CYP2C19: variants seen among roughly 807,000 people sequenced by gnomAD.
The protein encoded by CYP2C19 is cytochrome P450 family 2 subfamily C member 19, also known as cytochrome P450 2C19.
CYP2C19 carries 59 observed loss-of-function variants against 40.9 expected under a neutral mutation model. The observed-to-expected ratio is 1.44, with a 90% CI of 1.17 to 1.79. The LOEUF (loss-of-function observed/expected upper bound fraction) is 1.79, where lower values mean the gene tolerates loss of function less well. Among genes scored for constraint, CYP2C19 ranks in the 40% most tolerant of loss-of-function variants. CYP2C19 has a pLI of 0.00. For missense variants in CYP2C19, 754 were observed against 596.9 expected, an observed-to-expected ratio of 1.26 and a Z score of -2.74; for synonymous variants, 253 against 208.7, an observed-to-expected ratio of 1.21 and a Z score of -1.83.
intron 5 of CYP2C19, among the ~76,000 whole-genome samples, chr10:94,808,952 C>G (rs949601548): frequency 2.0e-5 from 3 of 152,082 alleles, no homozygotes; most frequent in Non-Finnish European, 4.4e-5. Context: ...ATATACCTAG[C>G]AGTGGGATTG....
intron 5 of CYP2C19, among the ~76,000 whole-genome samples, chr10:94,803,528 G>T (rs966513425): frequency 1.3e-5 from 2 of 152,150 alleles, no homozygotes; most frequent in Non-Finnish European, 2.9e-5. Context: ...TGGGCTCCCT[G>T]CTCAGCCCCA....
intron 3 of CYP2C19, among the ~76,000 whole-genome samples, chr10:94,777,775 T>A (rs906050119): frequency 6.6e-6 from 1 of 152,050 alleles, no homozygotes; most frequent in Admixed American, 6.5e-5. Flanking sequence ...CCAAAAGCAA[T>A]GGCAACAAAA....
At chr10:94,819,056 A>G (rs1849066402) in intron 5 of CYP2C19, among the ~76,000 whole-genome samples, 1 of 150,206 alleles carries the variant, frequency 6.7e-6, no homozygotes, top group African/African-American at 2.4e-5. Flanking sequence ...ACCACAGTGC[A>G]ATCAAACTAG....
At chr10:94,837,491 C>G (rs1372859858) in intron 6 of CYP2C19, among the ~76,000 whole-genome samples, 1 of 152,138 alleles carries the variant, frequency 6.6e-6, no homozygotes, top group Admixed American at 6.5e-5. Flanking sequence ...TGTATAATGG[C>G]CCCTGGTTTT....
chr10:94,772,938 C>T (rs966001910), intron 1 of CYP2C19, among the ~76,000 whole-genome samples: 4 of 152,156 alleles, frequency 2.6e-5, no homozygotes, highest in Non-Finnish European at 2.9e-5. Flanking sequence ...CCCGCCACCG[C>T]GCCCGGCTAA....
At position 94,843,032 on chromosome 10, in the gene CYP2C19, T is replaced by C; in HGVS notation, c.1149+8T>C. ...AACTACCTCATTCCCAAGGTAAGTT[T>C]GTTTCTCCTACACTGCAACTCCATG... On this transcript the variant is annotated splice_region_variant and intron_variant, in intron 7 of 8. Transcript: ENST00000371321. The C allele has an allele frequency of 6.2e-7, 1 of 1,613,990 alleles. No homozygotes were observed.
chr10:94,774,826 G>C, intron 1 of CYP2C19: 1 of 542,732 alleles, frequency 1.8e-6, no homozygotes, highest in Admixed American at 3.3e-5. Flanking sequence ...TTGGTGTGAG[G>C]GTTAATTGTA....
chr10:94,807,710 A>G (rs1848854496), intron 5 of CYP2C19, among the ~76,000 whole-genome samples: 1 of 152,008 alleles, frequency 6.6e-6, no homozygotes, highest in Non-Finnish European at 1.5e-5. Flanking sequence ...TGTTCAGTTT[A>G]TTTACCCATA....
At position 94,771,049 on chromosome 10, in the gene CYP2C19, A is replaced by G. The variant is rs556755394; in HGVS notation, c.169-4009A>G. Among the ~76,000 whole-genome samples, 3 of 152,274 alleles carry G rather than the reference A, an allele frequency of 2.0e-5. No homozygotes were observed. In the South Asian group the frequency reaches 6.2e-4, roughly 32 times the overall value. On this transcript the variant is annotated intron_variant, in intron 1 of 8. Transcript: ENST00000371321. ...CATGACATCTCTCCAAGTGAGATCG[A>G]AGGTTTGCCCTAGACCCTGTAGGAC...
chr10:94,806,345 G>A (rs1848836346), intron 5 of CYP2C19, among the ~76,000 whole-genome samples: 1 of 152,050 alleles, frequency 6.6e-6, no homozygotes, highest in East Asian at 1.9e-4. Context: ...GGCTTTGTGA[G>A]TAATGTTATT....
chr10:94,804,061 G>C (rs1001393638), intron 5 of CYP2C19, among the ~76,000 whole-genome samples: 4 of 152,142 alleles, frequency 2.6e-5, no homozygotes, highest in African/African-American at 9.7e-5. Context: ...TCTATACCAA[G>C]GAAGAGTGGG....
intron 5 of CYP2C19, among the ~76,000 whole-genome samples, chr10:94,813,638 C>T (rs556310060): frequency 5.3e-5 from 8 of 151,892 alleles, no homozygotes; most frequent in African/African-American, 9.7e-5. Context: ...CAACACCCCC[C>T]CCAAGCTCGA....
At chr10:94,784,274 T>G (rs1459777203) in intron 5 of CYP2C19, among the ~76,000 whole-genome samples, 14 of 152,156 alleles carry the variant, frequency 9.2e-5, no homozygotes, top group African/African-American at 2.9e-4. Flanking sequence ...CTATGCACAT[T>G]TATCACAAAT....
chr10:94,842,343 G>C (rs929522520), intron 6 of CYP2C19, among the ~76,000 whole-genome samples: 2 of 131,264 alleles, frequency 1.5e-5, no homozygotes, highest in Non-Finnish European at 3.2e-5. Flanking sequence ...GGAATGTACT[G>C]TCTCATTCCA....
chr10:94,786,935 T>A (rs1156980805), intron 5 of CYP2C19, among the ~76,000 whole-genome samples: 1 of 152,170 alleles, frequency 6.6e-6, no homozygotes, highest in African/African-American at 2.4e-5. Context: ...TCTTTGCTAT[T>A]GTGAATAGTG....
intron 5 of CYP2C19, among the ~76,000 whole-genome samples, chr10:94,793,019 A>G (rs575148222): frequency 6.6e-6 from 1 of 152,214 alleles, no homozygotes; most frequent in Non-Finnish European, 1.5e-5. Context: ...GTCTTTTCAC[A>G]TAGTCAAATA....
chr10:94,830,171 G>C (rs1266070903), intron 6 of CYP2C19, among the ~76,000 whole-genome samples: 6 of 152,230 alleles, frequency 3.9e-5, no homozygotes, highest in Non-Finnish European at 8.8e-5. Context: ...CTTGAGCTGT[G>C]GTGGGCTCCA....
At chr10:94,847,880 C>T (rs12569455) in intron 7 of CYP2C19, among the ~76,000 whole-genome samples, 1 of 152,216 alleles carries the variant, frequency 6.6e-6, no homozygotes, top group South Asian at 2.1e-4. Context: ...GTCTTCTTTT[C>T]AGAAGTGTCT....
intron 7 of CYP2C19, among the ~76,000 whole-genome samples, chr10:94,848,342 C>T (rs923632389): frequency 6.6e-6 from 1 of 152,164 alleles, no homozygotes; most frequent in Non-Finnish European, 1.5e-5. Context: ...GGAATCCTTT[C>T]CCCATTTCTT....
Sources: allele counts gnomAD v4.1 joint callset (sites outside exome capture counted in the v4.1 genomes callset), GRCh38; gene constraint gnomAD v4.1.1; transcripts MANE v1.5; gene names NCBI Gene and HGNC (gene_info 2026-07-23, HGNC 2026-07-21).